The following ANKRD31 variants were observed in gnomAD, a reference collection of about 807,000 sequenced individuals.
The protein encoded by ANKRD31 is ankyrin repeat domain 31.
In ANKRD31, 147 loss-of-function variants were observed where a neutral mutation model predicts 186.0. The observed-to-expected ratio is 0.79, with a 90% CI of 0.69 to 0.91. The LOEUF (loss-of-function observed/expected upper bound fraction) is 0.91. Ranked by LOEUF, ANKRD31 falls within the 40% of genes least tolerant of loss-of-function variation. ANKRD31 has a pLI of 0.00. For missense variants in ANKRD31, 1,986 were observed against 2,148.8 expected, an observed-to-expected ratio of 0.92 and a Z score of 1.50; for synonymous variants, 673 against 736.4, an observed-to-expected ratio of 0.91 and a Z score of 1.39.
chr5:75,188,419 T>C (rs1580519836), intron 10 of ANKRD31, 74 bp downstream of exon 10: 1 of 1,388,162 alleles, frequency 7.2e-7, no homozygotes, highest in Non-Finnish European at 9.5e-7. Context: ...CACTTTGCTA[T>C]ACTTTCCTAA....
At chr5:75,179,337 C>G (rs1754085225) in intron 10 of ANKRD31, among the ~76,000 whole-genome samples, 1 of 152,170 alleles carries the variant, frequency 6.6e-6, no homozygotes, top group African/African-American at 2.4e-5. Flanking sequence ...CCTTCTGAAA[C>G]TATTCCAATC....
At chr5:75,175,646 AACACACACACAC>A (rs10532266) in intron 10 of ANKRD31, among the ~76,000 whole-genome samples, 17 of 147,678 alleles carry the variant, frequency 1.2e-4, no homozygotes, top group Admixed American at 2.0e-4. Flanking sequence ...TACCTCAGAA[AACACACACACAC>A]ACACACACAC....
intron 4 of ANKRD31, among the ~76,000 whole-genome samples, chr5:75,210,159 C>T (rs1050793518): frequency 2.6e-5 from 4 of 151,964 alleles, no homozygotes; most frequent in Admixed American, 2.6e-4. Context: ...TTCCTTCCTG[C>T]CTTCTTGCTT....
chr5:75,174,777 G>A (rs1753643865), intron 10 of ANKRD31, among the ~76,000 whole-genome samples: 1 of 152,188 alleles, frequency 6.6e-6, no homozygotes, highest in Admixed American at 6.5e-5. Flanking sequence ...TTACACTGTT[G>A]GTGGGAGTGT....
intron 11 of ANKRD31, among the ~76,000 whole-genome samples, chr5:75,163,064 A>G (rs1752677220): frequency 6.6e-6 from 1 of 152,226 alleles, no homozygotes; most frequent in Non-Finnish European, 1.5e-5. Context: ...CAATGCCAGT[A>G]TTACTATTAA....
Position 75,091,251 on chromosome 5 carries a change from A to T in ANKRD31, c.5472+10T>A, listed in dbSNP as rs1389329409. On this transcript the variant is annotated intron_variant, in intron 23 of 25. Coordinates refer to ENST00000506364, the MANE Select transcript of ANKRD31 (RefSeq NM_001372053.1). Reference sequence around the variant, plus strand: ...ATATGAAGTTAAAGATAAACTTAAGAATGACCCACCTTACTCCAAGCATAA... The same window carrying T: ...ATATGAAGTTAAAGATAAACTTAAGTATGACCCACCTTACTCCAAGCATAA... The T allele has an allele frequency of 2.0e-6, 3 of 1,519,806 alleles. No homozygotes were observed. The highest frequency in any genetic ancestry group is 2.6e-6 in the Non-Finnish European group (3 of 1,141,818). 94.1% of individuals were successfully genotyped at this position (1,519,806 alleles called of 1,614,324 possible). A position where few individuals can be genotyped will look rare whatever the true frequency, so the allele number is the denominator to read the frequency against.
At chr5:75,112,892 T>A (rs1747898171) in intron 19 of ANKRD31, among the ~76,000 whole-genome samples, 2 of 152,232 alleles carry the variant, frequency 1.3e-5, no homozygotes, top group Admixed American at 1.3e-4. Flanking sequence ...CTGTTGAAAC[T>A]ATAGGTGTAG....
chr5:75,226,473 C>T, intron 2 of ANKRD31, among the ~76,000 whole-genome samples: 1 of 151,998 alleles, frequency 6.6e-6, no homozygotes, highest in East Asian at 1.9e-4. Flanking sequence ...ACAGTATTAC[C>T]CTGATACCAC....
intron 2 of ANKRD31, among the ~76,000 whole-genome samples, chr5:75,225,913 C>T (rs1004689294): frequency 3.9e-5 from 6 of 152,186 alleles, no homozygotes; most frequent in Admixed American, 3.9e-4. Flanking sequence ...CTGCCCTGGG[C>T]CACAGGGGAG....
rs151300255 is a variant in ANKRD31, at chr5:75,222,520, C to T, written c.179-162G>A. 3.1e-3 allele frequency among the ~76,000 whole-genome samples: 470 copies of T among 151,450 alleles called. 2 individuals are homozygous for T. Among genetic ancestry groups the T allele is most frequent in the Non-Finnish European group, 5.1e-3 (349 of 67,978 alleles). On this transcript the variant is annotated intron_variant, in intron 2 of 25. Coordinates refer to ENST00000506364, the MANE Select transcript of ANKRD31 (RefSeq NM_001372053.1). ...AAAAAAACGAGATATATGTGCAGAACGTGCAGGTTTGTTACATAGGTATAC... is the reference window on the plus strand; with the variant it reads ...AAAAAAACGAGATATATGTGCAGAATGTGCAGGTTTGTTACATAGGTATAC...
chr5:75,116,945 C>T (rs981948822), intron 18 of ANKRD31, among the ~76,000 whole-genome samples: 3 of 152,008 alleles, frequency 2.0e-5, no homozygotes, highest in Non-Finnish European at 2.9e-5. Flanking sequence ...TTATTATATC[C>T]ATTTTATAGA....
Position 75,236,707 on chromosome 5 carries a change from C to CT in ANKRD31, c.-22dup. 1 of 1,526,608 alleles carries CT rather than the reference C, an allele frequency of 6.6e-7. No individual in the cohort carries two copies. The allele number at this position is 1,526,608 out of a possible 1,614,324, so 94.6% of individuals were successfully genotyped here. A position where few individuals can be genotyped will look rare whatever the true frequency, so the allele number is the denominator to read the frequency against. ...TCCATCTTTGCCTCACATTCAAAGT[C>CT]TTTTTTACCCTCCTCTAACTCCCTC... On this transcript the variant is annotated 5_prime_UTR_variant, in exon 1 of 26. Coordinates refer to ENST00000506364, the MANE Select transcript of ANKRD31 (RefSeq NM_001372053.1).
intron 15 of ANKRD31, 73 bp from the exon 16 acceptor site, chr5:75,139,056 T>C (rs1001593915): frequency 2.0e-6 from 3 of 1,476,614 alleles, no homozygotes; most frequent in Non-Finnish European, 1.8e-6. Context: ...AGAAAATACA[T>C]AACAACTTCC....
At position 75,147,009 on chromosome 5, in the gene ANKRD31, G is replaced by A. The variant is rs1299039315; in HGVS notation, c.2402C>T (p.Ala801Val). The part of the protein sequence containing the change: ...LRNGLDSSTE[A>V]CSVSKEKHIQ... ...GTGTTTCTCTTTGGAAACTGAACAA[G>A]CCTCAGTACTGCTATCTAATCCATT... The change falls in exon 14 of 26, where the codon GCT (alanine) becomes GTT (valine). Residue 801 changes from alanine (A) to valine (V), a missense_variant. Ala to Val is a moderately conservative substitution (Grantham distance 64). Coordinates refer to ENST00000506364, the MANE Select transcript of ANKRD31 (RefSeq NM_001372053.1). 3.9e-6 allele frequency: 6 copies of A among 1,536,396 alleles called. No homozygotes were observed. The Admixed American group carries it at 7.9e-5, about 20-fold the overall frequency.
chr5:75,094,331 T>C (rs1191706577), intron 22 of ANKRD31, among the ~76,000 whole-genome samples: 1 of 152,206 alleles, frequency 6.6e-6, no homozygotes, highest in Non-Finnish European at 1.5e-5. Flanking sequence ...GCAATAATTA[T>C]ATCAACGTAT....
At chr5:75,180,019 A>G (rs1754161857) in intron 10 of ANKRD31, among the ~76,000 whole-genome samples, 1 of 152,242 alleles carries the variant, frequency 6.6e-6, no homozygotes, top group Non-Finnish European at 1.5e-5. Flanking sequence ...TAAGCTGTTA[A>G]GCAACTTCAG....
intron 22 of ANKRD31, among the ~76,000 whole-genome samples, chr5:75,103,241 T>A (rs139892902): frequency 1.3e-5 from 2 of 152,090 alleles, no homozygotes; most frequent in Non-Finnish European, 2.9e-5. Context: ...AACAAAGATA[T>A]GAAAAAAAGC....
At position 75,236,796 on chromosome 5, in the gene ANKRD31, T is replaced by C. The variant is rs753794793; in HGVS notation, c.-110A>G. 293 of 904,844 alleles carry C rather than the reference T, an allele frequency of 3.2e-4. 1 individual carries two copies. Among genetic ancestry groups the C allele is most frequent in the Non-Finnish European group, 7.1e-5 (44 of 618,836 alleles). The allele number at this position is 904,844 out of a possible 1,614,324, so 56.1% of individuals were successfully genotyped here. On this transcript the variant is annotated 5_prime_UTR_variant, in exon 1 of 26. In the 5' UTR this introduces an upstream ATG that the reference lacks. Transcript: ENST00000506364. ...AATTGTGAATTAAAAATAAAAATAA[T>C]ATAATCGCAGCAGGAGCCGGGACTT...
In ANKRD31 at chr5:75,137,914, C is replaced by T. The variant is rs1248173845; in HGVS notation, c.3818G>A (p.Cys1273Tyr). The T allele has an allele frequency of 5.2e-6, 8 of 1,533,580 alleles. No homozygotes were observed. Among genetic ancestry groups the T allele is most frequent in the Non-Finnish European group, 7.0e-6 (8 of 1,145,198 alleles). The allele number at this position is 1,533,580 out of a possible 1,614,324, so 95.0% of individuals were successfully genotyped here. The change falls in exon 17 of 26, where the codon TGT becomes TAT. Residue 1273 changes from cysteine to tyrosine, a missense_variant. Physicochemically the swap from Cys to Tyr is radical, Grantham distance 194. Coordinates refer to ENST00000506364, the MANE Select transcript of ANKRD31 (RefSeq NM_001372053.1). ...GGGCAGAATTCCATCTATATTTTCA[C>T]AATTAACCTTAGCACCAGCTTTTAA... is the stretch of plus-strand genomic sequence containing the variant. ...ELLKAGAKVN[C>Y]ENIDGILPLH...
Sources: allele counts gnomAD v4.1 joint callset (sites outside exome capture counted in the v4.1 genomes callset), GRCh38; gene constraint gnomAD v4.1.1; transcripts MANE v1.5; gene names NCBI Gene and HGNC (gene_info 2026-07-23, HGNC 2026-07-21).